Variants in UBE2E2 observed in about 807,000 individuals in gnomAD.
UBE2E2 encodes the protein ubiquitin conjugating enzyme E2 E2, also known as ubiquitin-conjugating enzyme E2 E2.
UBE2E2 carries 6 observed loss-of-function variants against 24.7 expected under a neutral mutation model. The observed-to-expected ratio is 0.24, with a 90% confidence interval of 0.13 to 0.48. The LOEUF (loss-of-function observed/expected upper bound fraction) is 0.48. UBE2E2 is among the 20% of genes least tolerant of loss of function. The pLI, the probability that UBE2E2 is intolerant of heterozygous loss-of-function variation, is 0.99. For synonymous variants in UBE2E2, 104 were observed against 83.6 expected, an observed-to-expected ratio of 1.24 and a Z score of -1.33; for missense variants, 169 against 245.0, an observed-to-expected ratio of 0.69 and a Z score of 2.07.
chr3:23,573,541 A>C (rs972039655), intron 5 of UBE2E2, among the ~76,000 whole-genome samples: 5 of 152,188 alleles, frequency 3.3e-5, no homozygotes, highest in African/African-American at 1.2e-4. Flanking sequence ...AAATCAATGA[A>C]CAGCCTAAGG....
At chr3:23,363,219 A>G (rs866200605) in intron 3 of UBE2E2, among the ~76,000 whole-genome samples, 7 of 152,224 alleles carry the variant, frequency 4.6e-5, no homozygotes, top group African/African-American at 1.7e-4. Flanking sequence ...TAGACTAGTA[A>G]TGCTATAAAG....
At chr3:23,574,022 A>G (rs992323947) in intron 5 of UBE2E2, among the ~76,000 whole-genome samples, 3 of 152,240 alleles carry the variant, frequency 2.0e-5, no homozygotes, top group Non-Finnish European at 4.4e-5. Context: ...CATATATGCA[A>G]TGGAGTACTA....
chr3:23,532,968 G>C (rs181981422), intron 5 of UBE2E2, among the ~76,000 whole-genome samples: 1 of 152,270 alleles, frequency 6.6e-6, no homozygotes, highest in African/African-American at 2.4e-5. Flanking sequence ...TACGTTTAAA[G>C]AATGAATTAA....
At chr3:23,515,904 G>A (rs1694727047) in intron 4 of UBE2E2, among the ~76,000 whole-genome samples, 1 of 152,126 alleles carries the variant, frequency 6.6e-6, no homozygotes, top group Non-Finnish European at 1.5e-5. Flanking sequence ...AGGAGTTGGA[G>A]ATAGCAGTGA....
intron 2 of UBE2E2, among the ~76,000 whole-genome samples, chr3:23,215,404 A>T (rs1026507593): frequency 6.6e-6 from 1 of 152,136 alleles, no homozygotes; most frequent in Non-Finnish European, 1.5e-5. Context: ...GGGCTTCTCA[A>T]TGAGTCATAG....
chr3:23,521,791 A>C lies in UBE2E2; in HGVS notation c.361-10763A>C, dbSNP rs547994982. Among the ~76,000 whole-genome samples, 4 of 152,224 alleles carry C rather than the reference A, an allele frequency of 2.6e-5. No individual in the cohort carries two copies. In the East Asian group the frequency reaches 7.7e-4, roughly 29 times the overall value. On this transcript the variant is annotated intron_variant, in intron 4 of 5. Coordinates refer to ENST00000396703, the MANE Select transcript of UBE2E2 (RefSeq NM_152653.4). ...GCTCAAGACGATTCTTCTTCTTCCA[A>C]TGTAGCCCAGGAAAGACAAAAGATT... is the stretch of plus-strand genomic sequence containing the variant.
At chr3:23,269,851 AG>A (rs1475560474) in intron 3 of UBE2E2, among the ~76,000 whole-genome samples, 1 of 152,180 alleles carries the variant, frequency 6.6e-6, no homozygotes, top group African/African-American at 2.4e-5. Flanking sequence ...CAGTAGAAAA[AG>A]GGGAAAAATG....
intron 3 of UBE2E2, among the ~76,000 whole-genome samples, chr3:23,239,571 T>C (rs1337605119): frequency 1.3e-5 from 2 of 152,156 alleles, no homozygotes; most frequent in Admixed American, 6.5e-5. Flanking sequence ...CTTAACATAA[T>C]TAAAGCATTT....
intron 3 of UBE2E2, among the ~76,000 whole-genome samples, chr3:23,243,446 C>T (rs1697309060): frequency 6.6e-6 from 1 of 152,144 alleles, no homozygotes; most frequent in African/African-American, 2.4e-5. Context: ...GGCCCTTTAC[C>T]CTACATTTTA....
chr3:23,561,454 A>T (rs1406098290), intron 5 of UBE2E2, among the ~76,000 whole-genome samples: 3 of 152,144 alleles, frequency 2.0e-5, no homozygotes, highest in Non-Finnish European at 1.5e-5. Flanking sequence ...TACCAGTACC[A>T]TGCTGTTTTG....
At chr3:23,396,304 T>C (rs1234582281) in intron 3 of UBE2E2, among the ~76,000 whole-genome samples, 2 of 103,174 alleles carry the variant, frequency 1.9e-5, no homozygotes, top group South Asian at 3.2e-4. Flanking sequence ...ATTTATTTTT[T>C]ATATATATAT....
rs1321110293 is a variant in UBE2E2 at position 23,290,910 on chromosome 3, AAATT to A, written c.227+73600_227+73603del. 1.4e-3 allele frequency among the ~76,000 whole-genome samples: 212 copies of A among 149,244 alleles called. 1 individual carries two copies. The highest frequency in any genetic ancestry group is 5.0e-3 in the African/African-American group (204 of 40,588). On this transcript the variant is annotated intron_variant, in intron 3 of 5. Transcript: ENST00000396703. ...TGTCTAAAAAAAAAAAAAAAAAAAA[AAATT>A]AGCCGGGCATGGTGGCATGTACCTG... is the stretch of plus-strand genomic sequence containing the variant.
chr3:23,266,863 C>T (rs1195616163), intron 3 of UBE2E2, among the ~76,000 whole-genome samples: 1 of 152,122 alleles, frequency 6.6e-6, no homozygotes, highest in African/African-American at 2.4e-5. Flanking sequence ...TCTCTCAGAC[C>T]ACAGTGCAAT....
intron 3 of UBE2E2, among the ~76,000 whole-genome samples, chr3:23,412,680 A>G (rs1697520178): frequency 6.6e-6 from 1 of 152,240 alleles, no homozygotes; most frequent in African/African-American, 2.4e-5. Context: ...TTCTTTCCTC[A>G]TGCCTTTATT....
In UBE2E2 at chr3:23,280,741, C is replaced by A. The variant is rs779800738; in HGVS notation, c.227+63429C>A. ...TAAAGGAATGAGTACTGGAGACTAG[C>A]CTCTATGTTTCTTACTCACTTCTGT... On this transcript the variant is annotated intron_variant, in intron 3 of 5. Transcript: ENST00000396703. The surrounding 1 kb of genome is among the most constrained non-coding windows in gnomAD (Gnocchi z 4.3). Among the ~76,000 whole-genome samples, 1 of 152,144 alleles carries A rather than the reference C, an allele frequency of 6.6e-6. No homozygotes were observed. Among genetic ancestry groups the A allele is most frequent in the African/African-American group, 2.4e-5 (1 of 41,412 alleles).
chr3:23,265,025 G>C (rs1288099725), intron 3 of UBE2E2, among the ~76,000 whole-genome samples: 1 of 152,158 alleles, frequency 6.6e-6, no homozygotes, highest in Non-Finnish European at 1.5e-5. Context: ...AGAGTTGTGA[G>C]TGCAAGGTGA....
chr3:23,482,842 A>G (rs1388365685), intron 3 of UBE2E2, among the ~76,000 whole-genome samples: 1 of 152,208 alleles, frequency 6.6e-6, no homozygotes, highest in Non-Finnish European at 1.5e-5. Flanking sequence ...AAGATGATGA[A>G]TGTGAAAATG....
intron 5 of UBE2E2, among the ~76,000 whole-genome samples, chr3:23,573,755 G>T (rs953981917): frequency 6.6e-6 from 1 of 152,154 alleles, no homozygotes; most frequent in Non-Finnish European, 1.5e-5. Flanking sequence ...CTAAATAGCT[G>T]CTTGTTGTCA....
intron 3 of UBE2E2, among the ~76,000 whole-genome samples, chr3:23,461,045 A>G (rs1346787985): frequency 6.6e-6 from 1 of 152,214 alleles, no homozygotes; most frequent in Non-Finnish European, 1.5e-5. Context: ...GGAGAACCCC[A>G]GTGTATAAGC....
Sources: gnomAD v4.1 joint callset for allele counts (sites outside exome capture counted in the v4.1 genomes callset) on GRCh38, gnomAD v4.1.1 for gene constraint, Gnocchi (gnomAD v3.1) non-coding constraint, MANE v1.5 for transcripts, NCBI Gene and HGNC (gene_info 2026-07-23, HGNC 2026-07-21) for gene names.